The following NRG3 variants were observed in gnomAD, a reference collection of about 807,000 sequenced individuals.
NRG3 encodes pro-neuregulin-3, membrane-bound isoform.
A neutral mutation model predicts 66.9 loss-of-function variants in NRG3; 31 were observed. The observed-to-expected ratio is 0.46, with a 90% confidence interval of 0.35 to 0.63. NRG3 has a LOEUF of 0.63. Ranked by LOEUF, NRG3 falls within the 20% of genes least tolerant of loss-of-function variation. The pLI is 0.00. For synonymous variants in NRG3, 393 were observed against 359.4 expected, an observed-to-expected ratio of 1.09 and a Z score of -1.06; for missense variants, 910 against 878.9, an observed-to-expected ratio of 1.04 and a Z score of -0.45.
rs541294493 is a variant in NRG3, at chr10:82,939,588, G to C, written c.1055-11881G>C. 5.9e-5 allele frequency among the ~76,000 whole-genome samples: 9 copies of C among 151,924 alleles called. No individual in the cohort carries two copies. In the East Asian group the frequency reaches 1.8e-3, roughly 30 times the overall value. ...GGGTTCACGCCTTTCTCCTGCCTCA[G>C]CCTTCCGAGTAGCTGGGACTACAGG... On this transcript the variant is annotated intron_variant, in intron 4 of 8. Transcript: ENST00000372141.
chr10:81,991,234 G>A (rs543276028), intron 1 of NRG3, among the ~76,000 whole-genome samples: 1 of 152,186 alleles, frequency 6.6e-6, no homozygotes, highest in Non-Finnish European at 1.5e-5. Flanking sequence ...TTTATCAAAT[G>A]GATGCATTAT....
At chr10:82,708,120 C>T (rs150872679) in intron 2 of NRG3, among the ~76,000 whole-genome samples, 163 of 152,070 alleles carry the variant, frequency 1.1e-3, no homozygotes, top group African/African-American at 2.1e-3. Flanking sequence ...TTTAATCTTA[C>T]GAATACTCTG....
At chr10:82,406,807 T>C (rs964085712) in intron 2 of NRG3, among the ~76,000 whole-genome samples, 1 of 152,086 alleles carries the variant, frequency 6.6e-6, no homozygotes. Context: ...CTTTTGTACA[T>C]TGAGACAGGT....
intron 2 of NRG3, among the ~76,000 whole-genome samples, chr10:82,698,556 A>T (rs964145165): frequency 3.9e-5 from 6 of 152,192 alleles, no homozygotes; most frequent in Non-Finnish European, 7.4e-5. Context: ...TAAATAAATT[A>T]TTTTGCAGAG....
chr10:82,359,463 G>A (rs1017982346), intron 2 of NRG3, among the ~76,000 whole-genome samples: 8 of 152,158 alleles, frequency 5.3e-5, no homozygotes, highest in Admixed American at 2.0e-4. Context: ...GAACTACTTG[G>A]GGAAAACTCC....
At chr10:82,737,096 C>T (rs184985088) in intron 2 of NRG3, among the ~76,000 whole-genome samples, 112 of 152,098 alleles carry the variant, frequency 7.4e-4, no homozygotes, top group Admixed American at 1.8e-3. Flanking sequence ...CTGTGATATG[C>T]CTACTTTATT....
chr10:82,700,060 G>A (rs2055742305), intron 2 of NRG3, among the ~76,000 whole-genome samples: 1 of 152,132 alleles, frequency 6.6e-6, no homozygotes, highest in Non-Finnish European at 1.5e-5. Flanking sequence ...GTACAATTAG[G>A]GATATGGTAT....
In NRG3 at chr10:82,745,830, C is replaced by T. The variant is rs140490770; in HGVS notation, c.1027+7180C>T. On this transcript the variant is annotated intron_variant, in intron 3 of 8. Transcript: ENST00000372141. ...CAGAGATAACCACTGATAATCAATTCGTGCATACTACTCCACATATTTTCT... is the reference window on the plus strand; with the variant it reads ...CAGAGATAACCACTGATAATCAATTTGTGCATACTACTCCACATATTTTCT... Among the ~76,000 whole-genome samples, 1,175 of 152,212 alleles carry T rather than the reference C, an allele frequency of 7.7e-3. 11 individuals are homozygous for T. The highest frequency in any genetic ancestry group is 0.019 in the African/African-American group (787 of 41,560).
At chr10:81,878,147 T>C in intron 1 of NRG3, 1 of 1,420,222 alleles carries the variant, frequency 7.0e-7, no homozygotes, top group Non-Finnish European at 9.3e-7. Flanking sequence ...TGGACGGGAA[T>C]GGCAGCCTGT....
chr10:82,541,352 G>C (rs1444215746), intron 2 of NRG3, among the ~76,000 whole-genome samples: 1 of 152,170 alleles, frequency 6.6e-6, no homozygotes, highest in Non-Finnish European at 1.5e-5. Flanking sequence ...CGGACACCGA[G>C]TTGTGGAAGG....
At chr10:82,807,574 A>G (rs1315726540) in intron 3 of NRG3, among the ~76,000 whole-genome samples, 1 of 152,192 alleles carries the variant, frequency 6.6e-6, no homozygotes, top group Non-Finnish European at 1.5e-5. Context: ...GTTGGAATTT[A>G]AAGTGTGATC....
At chr10:82,410,355 A>C (rs2087967136) in intron 2 of NRG3, among the ~76,000 whole-genome samples, 1 of 151,796 alleles carries the variant, frequency 6.6e-6, no homozygotes, top group Admixed American at 6.6e-5. Context: ...TCAAAAATAC[A>C]TGGAGGGATG....
intron 1 of NRG3, among the ~76,000 whole-genome samples, chr10:82,180,554 TG>T (rs748134624): frequency 6.6e-6 from 1 of 152,056 alleles, no homozygotes. Flanking sequence ...GATTAATTTT[TG>T]TCTGTTGAAC....
intron 4 of NRG3, among the ~76,000 whole-genome samples, chr10:82,887,101 A>G (rs12250654): frequency 0.084 from 12,748 of 152,124 alleles, 599 homozygotes; most frequent in African/African-American, 0.13. Context: ...GCTAGGTTCT[A>G]CTCCTAGACG....
chr10:82,503,036 G>A (rs1412705444), intron 2 of NRG3, among the ~76,000 whole-genome samples: 4 of 151,746 alleles, frequency 2.6e-5, no homozygotes, highest in African/African-American at 4.9e-5. Context: ...GTTATTAAAC[G>A]GTGCTTCTTG....
chr10:82,970,488 A>G (rs1851621614), intron 6 of NRG3, among the ~76,000 whole-genome samples: 1 of 151,648 alleles, frequency 6.6e-6, no homozygotes, highest in African/African-American at 2.4e-5. Flanking sequence ...TCTGATTACC[A>G]CCTCTTTATA....
At chr10:82,821,503 GA>G (rs10550982) in intron 3 of NRG3, among the ~76,000 whole-genome samples, 53,264 of 134,480 alleles carry the variant, frequency 0.4, 9,914 homozygotes, top group African/African-American at 0.53. Flanking sequence ...ACACTTAACT[GA>G]AAAAAAAAAA....
At chr10:82,409,216 A>G (rs187136682) in intron 2 of NRG3, among the ~76,000 whole-genome samples, 3 of 152,202 alleles carry the variant, frequency 2.0e-5, no homozygotes, top group Admixed American at 2.0e-4. Flanking sequence ...TCTGAATTAG[A>G]TAAGTCATTT....
intron 2 of NRG3, among the ~76,000 whole-genome samples, chr10:82,577,139 G>A (rs1189984078): frequency 6.6e-6 from 1 of 151,750 alleles, no homozygotes; most frequent in African/African-American, 2.4e-5. Context: ...AGTTTGAAAT[G>A]CAATATATAA....
Sources: gnomAD v4.1 joint callset for allele counts (sites outside exome capture counted in the v4.1 genomes callset) on GRCh38, gnomAD v4.1.1 for gene constraint, MANE v1.5 for transcripts, NCBI Gene and HGNC (gene_info 2026-07-23, HGNC 2026-07-21) for gene names.